KSR2: variants seen among roughly 807,000 people sequenced by gnomAD.
The protein encoded by KSR2 is kinase suppressor of ras 2.
KSR2 carries 25 observed loss-of-function variants against 107.8 expected under a neutral mutation model. The ratio of observed to expected loss-of-function variants is 0.23; its 90% CI spans 0.17 to 0.32. The LOEUF is 0.32. Ranked by LOEUF, KSR2 falls within the 10% of genes least tolerant of loss-of-function variation. KSR2 has a pLI of 1.00. For synonymous variants in KSR2, 480 were observed against 507.0 expected (o/e 0.95, Z 0.71); for missense variants, 887 against 1,268.9 (o/e 0.70, Z 4.57).
intron 4 of KSR2, chr12:117,674,416 T>A (rs758489587): frequency 2.2e-6 from 1 of 456,330 alleles, no homozygotes. Context: ...CTCTGTAGCA[T>A]TAAGTTCATT....
intron 4 of KSR2, among the ~76,000 whole-genome samples, chr12:117,734,609 C>T (rs963925224): frequency 1.1e-4 from 16 of 152,152 alleles, no homozygotes; most frequent in African/African-American, 3.9e-4. Context: ...TTTCAGTCTG[C>T]TGACTTATCA....
chr12:117,742,600 GAAT>G (rs1444378845), intron 4 of KSR2, among the ~76,000 whole-genome samples: 1 of 152,106 alleles, frequency 6.6e-6, no homozygotes, highest in African/African-American at 2.4e-5. Context: ...AAAGTGGGTA[GAAT>G]AAAATATTGA....
intron 9 of KSR2, 122 bp downstream of exon 9, chr12:117,555,047 T>C: frequency 8.5e-7 from 1 of 1,169,722 alleles, no homozygotes; most frequent in Non-Finnish European, 1.2e-6. Flanking sequence ...ATCACAGAAT[T>C]AGGGGAGCCG....
At chr12:117,957,767 A>G (rs995390693) in intron 1 of KSR2, among the ~76,000 whole-genome samples, 1 of 150,266 alleles carries the variant, frequency 6.7e-6, no homozygotes, top group Non-Finnish European at 1.5e-5. Flanking sequence ...ACACACACAC[A>G]CACACGCACA....
At chr12:117,802,896 C>A (rs1178710112) in intron 3 of KSR2, among the ~76,000 whole-genome samples, 1 of 152,216 alleles carries the variant, frequency 6.6e-6, no homozygotes, top group Non-Finnish European at 1.5e-5. Flanking sequence ...TTCACACCCC[C>A]CAATCTGGGA....
intron 5 of KSR2, among the ~76,000 whole-genome samples, chr12:117,658,924 C>G (rs1012530912): frequency 6.6e-6 from 1 of 152,166 alleles, no homozygotes; most frequent in Non-Finnish European, 1.5e-5. Flanking sequence ...AACTGCCAGC[C>G]AGGAATTTTC....
intron 3 of KSR2, among the ~76,000 whole-genome samples, chr12:117,827,448 G>C (rs1891803092): frequency 6.6e-6 from 1 of 152,174 alleles, no homozygotes; most frequent in Admixed American, 6.5e-5. Flanking sequence ...CTTACTCACT[G>C]TGTGCTCTTG....
intron 8 of KSR2, 86 bp downstream of exon 8, chr12:117,558,420 A>C (rs925027644): frequency 2.4e-5 from 25 of 1,044,036 alleles, no homozygotes; most frequent in Non-Finnish European, 3.6e-5. Context: ...GGTATTCAGA[A>C]CCAACCTGAT....
At chr12:117,855,643 C>T in intron 2 of KSR2, 65 bp from the exon 3 acceptor site, 3 of 1,531,304 alleles carry the variant, frequency 2.0e-6, no homozygotes, top group South Asian at 1.1e-5. Flanking sequence ...CCACGCTGCC[C>T]TGTAGTGGTG....
At chr12:117,545,541 A>G (rs1021216052) in intron 9 of KSR2, among the ~76,000 whole-genome samples, 8 of 152,168 alleles carry the variant, frequency 5.3e-5, no homozygotes, top group African/African-American at 1.2e-4. Flanking sequence ...GATTTTCAAG[A>G]AATTGGTTTA....
At chr12:117,604,795 G>A (rs1433112510) in intron 5 of KSR2, among the ~76,000 whole-genome samples, 4 of 152,176 alleles carry the variant, frequency 2.6e-5, no homozygotes, top group Admixed American at 2.0e-4. Context: ...GCTACAGGAA[G>A]AGTGGGACTG....
chr12:117,878,745 CAT>C (rs1893945762), intron 1 of KSR2, among the ~76,000 whole-genome samples: 1 of 152,198 alleles, frequency 6.6e-6, no homozygotes, highest in Non-Finnish European at 1.5e-5. Context: ...ATAAAACACA[CAT>C]GTCCTGAAAG....
Position 117,547,958 on chromosome 12 carries a change from G to A in KSR2, c.1518+7211C>T, listed in dbSNP as rs554377992. 7.5e-4 allele frequency among the ~76,000 whole-genome samples: 114 copies of A among 152,238 alleles called. 1 individual carries two copies. Among genetic ancestry groups the A allele is most frequent in the African/African-American group, 2.4e-3 (100 of 41,550 alleles). The stretch of plus-strand genomic sequence containing the variant: ...AAAATATTCTGAAAATTAGCCAGGC[G>A]TGGTGGTGGGTGCCTGTAGTCCCAG... On this transcript the variant is annotated intron_variant, in intron 9 of 19. Transcript: ENST00000339824.
chr12:117,956,725 A>C lies in KSR2; in HGVS notation c.180+11351T>G, dbSNP rs182455961. ...GAGGATCACTTGAGCTCAGGGGTTC[A>C]AGGCCAGCCTGGGCAACATAGTGAG... On this transcript the variant is annotated intron_variant, in intron 1 of 19. Transcript: ENST00000339824. Among the ~76,000 whole-genome samples, 36 of 151,048 alleles carry C rather than the reference A, an allele frequency of 2.4e-4. No individual in the cohort carries two copies. In the East Asian group the frequency reaches 4.5e-3, roughly 19 times the overall value.
intron 5 of KSR2, among the ~76,000 whole-genome samples, chr12:117,658,020 G>A (rs901975544): frequency 6.6e-6 from 1 of 152,222 alleles, no homozygotes; most frequent in Admixed American, 6.5e-5. Flanking sequence ...GCTTTCCCAA[G>A]GAAACATTAA....
intron 3 of KSR2, among the ~76,000 whole-genome samples, chr12:117,788,281 G>T (rs1890144021): frequency 6.6e-6 from 1 of 152,182 alleles, no homozygotes; most frequent in Non-Finnish European, 1.5e-5. Flanking sequence ...TGGAGGAAAG[G>T]CTGAATAACC....
chr12:117,956,164 G>A (rs988579580), intron 1 of KSR2, among the ~76,000 whole-genome samples: 3 of 144,890 alleles, frequency 2.1e-5, no homozygotes, highest in Non-Finnish European at 4.4e-5. Flanking sequence ...GCAGGAGAAT[G>A]GCATGAACCT....
chr12:117,660,333 A>T (rs1884378772), intron 5 of KSR2, among the ~76,000 whole-genome samples: 1 of 152,174 alleles, frequency 6.6e-6, no homozygotes, highest in Non-Finnish European at 1.5e-5. Flanking sequence ...CTTGATTTTC[A>T]AAGCAGGGTT....
intron 3 of KSR2, among the ~76,000 whole-genome samples, chr12:117,843,442 C>A (rs1566044832): frequency 6.6e-6 from 1 of 152,184 alleles, no homozygotes; most frequent in Admixed American, 6.5e-5. Flanking sequence ...CATGGATTAG[C>A]CCACTGACAA....
Sources: allele counts gnomAD v4.1 joint callset (sites outside exome capture counted in the v4.1 genomes callset), GRCh38; gene constraint gnomAD v4.1.1; transcripts MANE v1.5; gene names NCBI Gene and HGNC (gene_info 2026-07-23, HGNC 2026-07-21).